Variants in SCML4 observed in about 807,000 individuals in gnomAD.
SCML4 encodes sex comb on midleg-like protein 4.
SCML4 carries 34 observed loss-of-function variants against 41.1 expected under a neutral mutation model. The observed-to-expected ratio is 0.83, with a 90% CI of 0.63 to 1.10. The LOEUF is 1.10. Ranked by LOEUF, SCML4 falls within the 50% of genes least tolerant of loss-of-function variation. The pLI, the probability that SCML4 is intolerant of heterozygous loss-of-function variation, is 0.00. For synonymous variants in SCML4, 214 were observed against 220.9 expected, an observed-to-expected ratio of 0.97 and a Z score of 0.28; for missense variants, 522 against 534.1, an observed-to-expected ratio of 0.98 and a Z score of 0.22.
the SCML4 span, among the ~76,000 whole-genome samples, chr6:107,830,204 G>T: frequency 2.0e-5 from 3 of 150,762 alleles, no homozygotes; most frequent in Admixed American, 6.7e-5. Context: ...GTTGGTGATT[G>T]AATCAAGTAA....
intron 1 of SCML4, among the ~76,000 whole-genome samples, chr6:107,789,649 C>T (rs1782168991): frequency 6.6e-6 from 1 of 152,228 alleles, no homozygotes; most frequent in Non-Finnish European, 1.5e-5. Context: ...TCTCTGGAGA[C>T]CAGGCCTGCC....
chr6:107,791,001 C>T (rs1210312761), intron 1 of SCML4, among the ~76,000 whole-genome samples: 4 of 149,424 alleles, frequency 2.7e-5, no homozygotes, highest in African/African-American at 7.4e-5. Flanking sequence ...ACCCAGGAGG[C>T]GGAGGTTGCA....
intron 5 of SCML4, among the ~76,000 whole-genome samples, chr6:107,731,436 C>T (rs1347120663): frequency 6.6e-6 from 1 of 152,196 alleles, no homozygotes; most frequent in African/African-American, 2.4e-5. Context: ...GTCTTAGACA[C>T]TATTTGTCAT....
At chr6:107,813,918 T>C (rs139826882) in intron 1 of SCML4, among the ~76,000 whole-genome samples, 1 of 152,304 alleles carries the variant, frequency 6.6e-6, no homozygotes, top group African/African-American at 2.4e-5. Flanking sequence ...TCTCTCTGTG[T>C]CTCTTCCTAC....
At chr6:107,801,714 TG>T (rs1783141351) in intron 1 of SCML4, among the ~76,000 whole-genome samples, 1 of 152,122 alleles carries the variant, frequency 6.6e-6, no homozygotes, top group Non-Finnish European at 1.5e-5. Context: ...AAATGTGGAA[TG>T]GGGGTTAGCA....
chr6:107,808,255 A>T (rs1262962136), intron 1 of SCML4, among the ~76,000 whole-genome samples: 2 of 152,176 alleles, frequency 1.3e-5, no homozygotes, highest in African/African-American at 4.8e-5. Context: ...ACAATGACAT[A>T]CACCCCAAAA....
chr6:107,765,808 T>A (rs1779987909), intron 2 of SCML4, among the ~76,000 whole-genome samples: 1 of 152,202 alleles, frequency 6.6e-6, no homozygotes, highest in South Asian at 2.1e-4. Context: ...ATATTGGCCA[T>A]GAAGGGAATA....
intron 1 of SCML4, among the ~76,000 whole-genome samples, chr6:107,785,272 G>A (rs746992148): frequency 1.3e-5 from 2 of 152,200 alleles, no homozygotes; most frequent in Non-Finnish European, 2.9e-5. Flanking sequence ...AAAGCAAGAA[G>A]AGGACCAACT....
chr6:107,713,219 C>T (rs1284232312), intron 6 of SCML4, among the ~76,000 whole-genome samples: 1 of 152,234 alleles, frequency 6.6e-6, no homozygotes, highest in Admixed American at 6.5e-5. Flanking sequence ...TCCTTTCACT[C>T]ATTCATAATT....
chr6:107,758,880 A>G (rs1041414358), intron 2 of SCML4, among the ~76,000 whole-genome samples: 1 of 152,216 alleles, frequency 6.6e-6, no homozygotes, highest in South Asian at 2.1e-4. Flanking sequence ...GGAAACAAAT[A>G]CAGTCAGGAT....
At chr6:107,767,193 T>C (rs79076807) in intron 2 of SCML4, among the ~76,000 whole-genome samples, 1 of 152,070 alleles carries the variant, frequency 6.6e-6, no homozygotes, top group Admixed American at 6.6e-5. Context: ...CCTGACCTCG[T>C]GATCCATCCA....
intron 1 of SCML4, among the ~76,000 whole-genome samples, chr6:107,785,480 C>T (rs1182338936): frequency 6.6e-6 from 1 of 152,224 alleles, no homozygotes; most frequent in East Asian, 1.9e-4. Flanking sequence ...CAGTGAGAAA[C>T]ATCTAGTGAC....
chr6:107,745,310 C>T, intron 4 of SCML4, 167 bp from the exon 5 acceptor site: 1 of 578,314 alleles, frequency 1.7e-6, no homozygotes, highest in South Asian at 2.2e-5. Flanking sequence ...GTGGGGATCC[C>T]ACCCAGGACA....
At chr6:107,768,629 G>A (rs964079444) in intron 2 of SCML4, among the ~76,000 whole-genome samples, 1 of 152,162 alleles carries the variant, frequency 6.6e-6, no homozygotes, top group African/African-American at 2.4e-5. Context: ...CCTAAGTCCT[G>A]CAGTTTTTCT....
intron 5 of SCML4, among the ~76,000 whole-genome samples, chr6:107,737,063 G>C (rs776815711): frequency 6.6e-6 from 1 of 152,232 alleles, no homozygotes; most frequent in Non-Finnish European, 1.5e-5. Context: ...TTGGTGAGCA[G>C]ACAATTTGTT....
At chr6:107,842,031 T>C in the SCML4 span, among the ~76,000 whole-genome samples, 1 of 152,208 alleles carries the variant, frequency 6.6e-6, no homozygotes, top group Non-Finnish European at 1.5e-5. Flanking sequence ...ATTGGAGACA[T>C]TTCTTCTTTT....
At chr6:107,809,835 C>G (rs1186934200) in intron 1 of SCML4, among the ~76,000 whole-genome samples, 1 of 152,166 alleles carries the variant, frequency 6.6e-6, no homozygotes, top group Non-Finnish European at 1.5e-5. Context: ...TAACCCCTCA[C>G]ATAATTATGC....
At chr6:107,765,087 A>T (rs1301873980) in intron 2 of SCML4, among the ~76,000 whole-genome samples, 1 of 152,232 alleles carries the variant, frequency 6.6e-6, no homozygotes, top group Non-Finnish European at 1.5e-5. Context: ...TCAGAAAAAC[A>T]TCTATCCATG....
rs1488262777 is a variant in SCML4, at chr6:107,749,730, C to G, written c.240G>C (p.Gln80His). 2.5e-6 allele frequency: 4 copies of G among 1,614,084 alleles called. No individual in the cohort carries two copies. In the South Asian group the frequency reaches 3.3e-5, roughly 13 times the overall value. Residue 80 changes from glutamine (Q) to histidine (H), a missense_variant, in exon 3 of 8, where the codon CAG (glutamine) becomes CAC (histidine). Physicochemically the swap from Gln to His is conservative, Grantham distance 24. Transcript: ENST00000369020. ...CCAAGCTGGGGACCGTGGCTGCGTC[C>G]TGAGGGATGGAGCTGAGGTCGGGCT... is the stretch of plus-strand genomic sequence containing the variant. ...TPEPDLSSIPQDAATVPSLAA... is the reference protein window; with the variant it reads ...TPEPDLSSIPHDAATVPSLAA...
Sources: allele counts gnomAD v4.1 joint callset (sites outside exome capture counted in the v4.1 genomes callset), GRCh38; gene constraint gnomAD v4.1.1; transcripts MANE v1.5; gene names NCBI Gene and HGNC (gene_info 2026-07-23, HGNC 2026-07-21).